Variants in ABHD2 observed in about 807,000 individuals in gnomAD.
ABHD2 encodes the protein monoacylglycerol lipase ABHD2.
Under a neutral mutation model 48.1 loss-of-function variants are expected in ABHD2, and 20 were observed. The observed-to-expected ratio is 0.42, with a 90% CI of 0.29 to 0.60. ABHD2 has a LOEUF of 0.60. Ranked by LOEUF, ABHD2 falls within the 20% of genes least tolerant of loss-of-function variation. ABHD2 has a pLI of 0.24. For synonymous variants in ABHD2, 209 were observed against 214.2 expected (o/e 0.98, Z 0.21); for missense variants, 405 against 550.9 (o/e 0.74, Z 2.65).
At chr15:89,063,533 T>G in the ABHD2 span, among the ~76,000 whole-genome samples, 1 of 151,564 alleles carries the variant, frequency 6.6e-6, no homozygotes, top group African/African-American at 2.4e-5. Flanking sequence ...CTCTCACACA[T>G]GCACACACAC....
intron 3 of ABHD2, among the ~76,000 whole-genome samples, chr15:89,127,724 T>TATATATATATATATATAC (rs1567080086): frequency 2.8e-5 from 2 of 70,712 alleles, no homozygotes; most frequent in African/African-American, 9.6e-5. Flanking sequence ...TATATACACA[T>TATATATATATATATATAC]ATATATATAT....
At chr15:89,162,234 A>T (rs559370434) in intron 5 of ABHD2, among the ~76,000 whole-genome samples, 1 of 152,328 alleles carries the variant, frequency 6.6e-6, no homozygotes, top group Non-Finnish European at 1.5e-5. Context: ...GGAAACACTT[A>T]AAACAGTACT....
At position 89,184,754 on chromosome 15, in the gene ABHD2, G is replaced by A. The variant is rs970831994; in HGVS notation, c.723-670G>A. ...GCCGCCATTGAAGGGTCAGAGTGTGGCCCTCACAGCCACACACTAGTGTGC... is the reference window on the plus strand; with the variant it reads ...GCCGCCATTGAAGGGTCAGAGTGTGACCCTCACAGCCACACACTAGTGTGC... On this transcript the variant is annotated intron_variant, in intron 6 of 10. Transcript: ENST00000352732. This position sits in a 1 kb window ranked among gnomAD's most constrained non-coding sequence, Gnocchi z 5.1. Among the ~76,000 whole-genome samples, 26 of 152,134 alleles carry A rather than the reference G, an allele frequency of 1.7e-4. No homozygotes were observed. The highest frequency in any genetic ancestry group is 6.3e-4 in the African/African-American group (26 of 41,422).
intron 5 of ABHD2, among the ~76,000 whole-genome samples, chr15:89,157,963 T>C (rs1020150608): frequency 6.6e-6 from 1 of 151,962 alleles, no homozygotes; most frequent in Admixed American, 6.6e-5. Flanking sequence ...ATAGGCCAAA[T>C]CAAACACAAA....
intron 5 of ABHD2, among the ~76,000 whole-genome samples, chr15:89,156,760 T>G (rs936194065): frequency 3.3e-5 from 5 of 152,070 alleles, no homozygotes; most frequent in Admixed American, 3.3e-4. Flanking sequence ...AGGTTCTGGC[T>G]TCTGGACTGC....
chr15:89,145,926 T>C (rs1357386299), intron 3 of ABHD2, among the ~76,000 whole-genome samples: 1 of 152,356 alleles, frequency 6.6e-6, no homozygotes, highest in Admixed American at 6.5e-5. Flanking sequence ...TGTGTACTCC[T>C]TTCTTAAGTT....
intron 3 of ABHD2, among the ~76,000 whole-genome samples, chr15:89,121,563 A>C (rs2050051764): frequency 6.6e-6 from 1 of 151,938 alleles, no homozygotes; most frequent in Non-Finnish European, 1.5e-5. Flanking sequence ...CAGCTGTGTA[A>C]CTACCAGTCC....
At chr15:89,194,104 A>G (rs551671668) in intron 10 of ABHD2, among the ~76,000 whole-genome samples, 19 of 152,256 alleles carry the variant, frequency 1.2e-4, no homozygotes, top group Non-Finnish European at 2.4e-4. Flanking sequence ...AAATAAATAA[A>G]TAGTAAAAAA....
Position 89,104,122 on chromosome 15 carries a change from T to C in ABHD2, c.-106-9603T>C, listed in dbSNP as rs899587570. ...ATGTACTGTTGCCCCCAGAACCTTC[T>C]CTTGGTCTTGGAGGGCAAGGATCAC... is the stretch of plus-strand genomic sequence containing the variant. On this transcript the variant is annotated intron_variant, in intron 1 of 10. Coordinates refer to ENST00000352732, the MANE Select transcript of ABHD2 (RefSeq NM_152924.5). This position sits in a 1 kb window ranked among gnomAD's most constrained non-coding sequence, Gnocchi z 4.4. 5 of 152,216 alleles carry C rather than the reference T, an allele frequency of 3.3e-5. No individual in the cohort carries two copies. Among genetic ancestry groups the C allele is most frequent in the African/African-American group, 1.2e-4 (5 of 41,442 alleles). 9.4% of individuals were successfully genotyped at this position (152,216 alleles called of 1,614,324 possible). A position where few individuals can be genotyped will look rare whatever the true frequency, so the allele number is the denominator to read the frequency against.
the ABHD2 span, among the ~76,000 whole-genome samples, chr15:89,049,642 A>G: frequency 6.6e-6 from 1 of 152,150 alleles, no homozygotes; most frequent in Non-Finnish European, 1.5e-5. Flanking sequence ...GGTGGGAGTG[A>G]CCCGATTTTC....
In ABHD2 at chr15:89,201,251, G is replaced by A; in HGVS notation, c.*5828G>A. ...ATCTCTCAGGTGTTGATTTGCTTCT[G>A]ATAGCTTCATCATTTCTCCCTGAAG... On this transcript the variant is annotated 3_prime_UTR_variant, in exon 11 of 11. Transcript: ENST00000352732. The A allele has an allele frequency of 8.0e-7, 1 of 1,248,852 alleles. No individual in the cohort carries two copies. Among genetic ancestry groups the A allele is most frequent in the Middle Eastern group, 1.9e-4 (1 of 5,362 alleles). 77.4% of individuals were successfully genotyped at this position (1,248,852 alleles called of 1,614,324 possible). A position where few individuals can be genotyped will look rare whatever the true frequency, so the allele number is the denominator to read the frequency against.
chr15:89,076,104 C>T, the ABHD2 span, among the ~76,000 whole-genome samples: 1 of 152,316 alleles, frequency 6.6e-6, no homozygotes, highest in South Asian at 2.1e-4. Flanking sequence ...TGCTCTCTTT[C>T]TCTCTCAAAG....
the ABHD2 span, among the ~76,000 whole-genome samples, chr15:89,071,253 C>G: frequency 6.6e-6 from 1 of 152,126 alleles, no homozygotes; most frequent in African/African-American, 2.4e-5. Context: ...AACCCCATCT[C>G]TACTAAAAAT....
At chr15:89,088,257 T>A (rs1901441772), upstream of ABHD2, 1 of 152,396 alleles carries the variant, frequency 6.6e-6, no homozygotes, top group African/African-American at 2.4e-5. The surrounding 1 kb of genome is among the most constrained non-coding windows in gnomAD (Gnocchi z 6.8). Flanking sequence ...AGCTCTCCCC[T>A]AAGAATCCCG....
At chr15:89,042,370 A>G in the ABHD2 span, among the ~76,000 whole-genome samples, 5 of 152,164 alleles carry the variant, frequency 3.3e-5, no homozygotes, top group South Asian at 6.2e-4. Context: ...ACATTAGCTT[A>G]AAAACTGAGA....
rs1489973281 is a variant in ABHD2, at chr15:89,198,251, A to T, written c.*2828A>T. 6.6e-6 allele frequency: 1 copy of T among 152,238 alleles called. No homozygotes were observed. Among genetic ancestry groups the T allele is most frequent in the African/African-American group, 2.4e-5 (1 of 41,464 alleles). The allele number at this position is 152,238 out of a possible 1,614,324, so 9.4% of individuals were successfully genotyped here. On this transcript the variant is annotated 3_prime_UTR_variant, in exon 11 of 11. Transcript: ENST00000352732. This position sits in a 1 kb window ranked among gnomAD's most constrained non-coding sequence, Gnocchi z 5.1. The stretch of plus-strand genomic sequence containing the variant: ...AAATTGCATCAATCTGGACAATTCC[A>T]TTGCAGGAATAATATGTTAAAAACC...
At chr15:89,136,698 A>C (rs2050318933) in intron 3 of ABHD2, among the ~76,000 whole-genome samples, 1 of 152,204 alleles carries the variant, frequency 6.6e-6, no homozygotes, top group South Asian at 2.1e-4. Flanking sequence ...TTCTTAAAAG[A>C]GCATTCTGTG....
At position 89,184,001 on chromosome 15, in the gene ABHD2, G is replaced by T. The variant is rs1035622857; in HGVS notation, c.723-1423G>T. Among the ~76,000 whole-genome samples the T allele has an allele frequency of 1.3e-5, 2 of 152,266 alleles. No homozygotes were observed. The highest frequency in any genetic ancestry group is 2.1e-4 in the South Asian group (1 of 4,820). Reference sequence around the variant, plus strand: ...GCTTTAGCCGGGGTCCCTCATGGTGGTCTGGTCCTATACTCTTCCTGTAGT... The same window carrying T: ...GCTTTAGCCGGGGTCCCTCATGGTGTTCTGGTCCTATACTCTTCCTGTAGT... On this transcript the variant is annotated intron_variant, in intron 6 of 10. Coordinates refer to ENST00000352732, the MANE Select transcript of ABHD2 (RefSeq NM_152924.5). This position sits in a 1 kb window ranked among gnomAD's most constrained non-coding sequence, Gnocchi z 5.1.
intron 3 of ABHD2, among the ~76,000 whole-genome samples, chr15:89,145,036 C>A (rs1193392261): frequency 2.0e-5 from 3 of 152,144 alleles, no homozygotes; most frequent in Non-Finnish European, 2.9e-5. Flanking sequence ...GCAGGCAGAT[C>A]ACTTGAGGTC....
Sources: gnomAD v4.1 joint callset for allele counts (sites outside exome capture counted in the v4.1 genomes callset) on GRCh38, gnomAD v4.1.1 for gene constraint, Gnocchi (gnomAD v3.1) non-coding constraint, MANE v1.5 for transcripts, NCBI Gene and HGNC (gene_info 2026-07-23, HGNC 2026-07-21) for gene names.